The following FBXO41 variants were observed in gnomAD, a reference collection of about 807,000 sequenced individuals.
FBXO41 encodes the protein F-box protein 41.
In FBXO41, 33 loss-of-function variants were observed where a neutral mutation model predicts 81.6. The observed-to-expected ratio is 0.40, with a 90% CI of 0.31 to 0.54. The LOEUF (loss-of-function observed/expected upper bound fraction) is 0.54. FBXO41 is among the 20% of genes least tolerant of loss of function. The pLI, the probability that FBXO41 is intolerant of heterozygous loss-of-function variation, is 0.39. For missense variants in FBXO41, 1,107 were observed against 1,236.0 expected, an observed-to-expected ratio of 0.90 and a Z score of 1.56; for synonymous variants, 576 against 552.7, an observed-to-expected ratio of 1.04 and a Z score of -0.59.
At position 73,271,626 on chromosome 2, in the gene FBXO41, C is replaced by CCCCA. The variant is rs1248921484; in HGVS notation, c.-138-1859_-138-1858insTGGG. 1.1e-3 allele frequency: 167 copies of CCCCA among 145,462 alleles called. 12 individuals are homozygous for CCCCA. Among genetic ancestry groups the CCCCA allele is most frequent in the Admixed American group, 4.5e-3 (67 of 14,784 alleles). 9.0% of individuals were successfully genotyped at this position (145,462 alleles called of 1,614,324 possible). ...CACAAGCCAATCAATTCTGCACTCC[C>CCCCA]CCCCCCCCAACTTCTTTTTTTTGAG... is the stretch of plus-strand genomic sequence containing the variant. On this transcript the variant is annotated intron_variant, in intron 1 of 12. Coordinates refer to ENST00000520530, the MANE Select transcript of FBXO41 (RefSeq NM_001371389.2).
At chr2:73,274,112 C>T (rs1237295733) in intron 1 of FBXO41, among the ~76,000 whole-genome samples, 3 of 152,292 alleles carry the variant, frequency 2.0e-5, no homozygotes, top group Middle Eastern at 6.8e-3. Flanking sequence ...GTAAAGGCAT[C>T]GGATTCCTCT....
intron 4 of FBXO41, 121 bp downstream of exon 4, chr2:73,265,772 A>G: frequency 7.0e-7 from 1 of 1,432,180 alleles, no homozygotes; most frequent in Non-Finnish European, 9.4e-7. Context: ...GGGTGTGGAA[A>G]GGCAGACATA....
At chr2:73,263,525 G>T (rs935675178) in intron 8 of FBXO41, among the ~76,000 whole-genome samples, 153 bp downstream of exon 8, 4 of 152,106 alleles carry the variant, frequency 2.6e-5, no homozygotes, top group Non-Finnish European at 5.9e-5. Flanking sequence ...CACAGTGGTG[G>T]CCTCTGCTCT....
At chr2:73,263,454 AT>A in intron 8 of FBXO41, 146 bp from the exon 9 acceptor site, 5 of 770,132 alleles carry the variant, frequency 6.5e-6, no homozygotes, top group Non-Finnish European at 8.0e-6. Flanking sequence ...CCCCGTCTCC[AT>A]TTAAAAAAAA....
At chr2:73,279,064 T>A (rs1335463378) in intron 1 of FBXO41, among the ~76,000 whole-genome samples, 2 of 152,152 alleles carry the variant, frequency 1.3e-5, no homozygotes, top group Non-Finnish European at 2.9e-5. Flanking sequence ...TGGAAACTAT[T>A]AACCACGGTA....
rs776314132 is a variant in FBXO41, at chr2:73,269,479, G to GCGC, written c.149_151dup (p.Gly50dup). 3.2e-5 allele frequency: 41 copies of GCGC among 1,283,900 alleles called. No homozygotes were observed. In the South Asian group the frequency reaches 4.7e-4, roughly 15 times the overall value. The allele number at this position is 1,283,900 out of a possible 1,614,324, so 79.5% of individuals were successfully genotyped here. On this transcript the variant is annotated inframe_insertion, in exon 2 of 13. Coordinates refer to ENST00000520530, the MANE Select transcript of FBXO41 (RefSeq NM_001371389.2). This position sits in a 1 kb window ranked among gnomAD's most constrained non-coding sequence, Gnocchi z 7.0. The stretch of plus-strand genomic sequence containing the variant: ...GGCGGCGGCGGCCGCGGCGGCGGCG[G>GCGC]CGCCGTCGCAGATGCTGTTGGTCTT...
chr2:73,269,241 C>T lies in FBXO41; in HGVS notation c.390G>A (p.Glu130=). The part of the protein sequence containing the change: ...GDLVPASLPC[E]ELAEPGLVPA... ...GCACAAGGCCCGGCTCGGCCAACTC[C>T]TCACAGGGCAGGCTAGCGGGCACCA... The change falls in exon 2 of 13, where the codon GAG becomes GAA. Residue 130 remains glutamate (E), a synonymous_variant. Coordinates refer to ENST00000520530, the MANE Select transcript of FBXO41 (RefSeq NM_001371389.2). This position sits in a 1 kb window ranked among gnomAD's most constrained non-coding sequence, Gnocchi z 7.0. 6.5e-7 allele frequency: 1 copy of T among 1,529,488 alleles called. No homozygotes were observed. The highest frequency in any genetic ancestry group is 1.2e-5 in the South Asian group (1 of 82,424). The allele number at this position is 1,529,488 out of a possible 1,614,324, so 94.7% of individuals were successfully genotyped here. A position where few individuals can be genotyped will look rare whatever the true frequency, so the allele number is the denominator to read the frequency against.
At chr2:73,276,560 C>CAGAGAGAGAGAGAGAGAG (rs533998261) in intron 1 of FBXO41, among the ~76,000 whole-genome samples, 42 of 106,454 alleles carry the variant, frequency 3.9e-4, no homozygotes, top group East Asian at 1.8e-3. Context: ...CAAATCTATT[C>CAGAGAGAGAGAGAGAGAG]AGAGAGAGAG....
chr2:73,265,504 T>G lies in FBXO41; in HGVS notation c.1342A>C (p.Asn448His), dbSNP rs1218050020. 1 of 1,596,838 alleles carries G rather than the reference T, an allele frequency of 6.3e-7. No individual in the cohort carries two copies. Among genetic ancestry groups the G allele is most frequent in the Non-Finnish European group, 8.5e-7 (1 of 1,174,504 alleles). ...GGCTGGGACCGCTCTGAGCCCCCGT[T>G]GGCAGCCTGGGCCCGTGTGCCCAAG... ...GGLGTRAQAANGGSERSQPPR... is the reference protein window; with the variant it reads ...GGLGTRAQAAHGGSERSQPPR... The change falls in exon 5 of 13, where the codon AAC (asparagine) becomes CAC (histidine). Residue 448 changes from asparagine (N) to histidine (H), a missense_variant. Transcript: ENST00000520530.
chr2:73,283,156 C>G (rs1167079087), intron 1 of FBXO41, among the ~76,000 whole-genome samples: 2 of 152,150 alleles, frequency 1.3e-5, no homozygotes, highest in Non-Finnish European at 2.9e-5. Context: ...CGGAGTTGTC[C>G]CCATTATACC....
rs769125778 is a variant in FBXO41 at position 73,268,723 on chromosome 2, C to G, written c.905+3G>C. On this transcript the variant is annotated splice_donor_region_variant and intron_variant, in intron 2 of 12. Coordinates refer to ENST00000520530, the MANE Select transcript of FBXO41 (RefSeq NM_001371389.2). ...ACTCACAGGGCCCCGAGGGTCTACTCACTGCTGCTTGCGGCTCAGCTCCTG... is the reference window on the plus strand; with the variant it reads ...ACTCACAGGGCCCCGAGGGTCTACTGACTGCTGCTTGCGGCTCAGCTCCTG... 6.5e-7 allele frequency: 1 copy of G among 1,532,232 alleles called. No homozygotes were observed. The highest frequency in any genetic ancestry group is 8.8e-7 in the Non-Finnish European group (1 of 1,134,458). The allele number at this position is 1,532,232 out of a possible 1,614,324, so 94.9% of individuals were successfully genotyped here.
intron 9 of FBXO41, among the ~76,000 whole-genome samples, chr2:73,262,153 G>C (rs1257684962): frequency 6.6e-6 from 1 of 152,158 alleles, no homozygotes; most frequent in East Asian, 1.9e-4. Flanking sequence ...AACCTGGGAG[G>C]TGGAGGTTGC....
Position 73,260,357 on chromosome 2 carries a change from CG to C in FBXO41, c.2449+31del, listed in dbSNP as rs753990831. ...ACAGGGCCCCGTGGCAGGTGATAGT[CG>C]TACCCTGCCCCTCATTCCCCCAGTG... On this transcript the variant is annotated intron_variant, in intron 11 of 12. Transcript: ENST00000520530. This position sits in a 1 kb window ranked among gnomAD's most constrained non-coding sequence, Gnocchi z 5.0. 11 of 1,603,402 alleles carry C rather than the reference CG, an allele frequency of 6.9e-6. No homozygotes were observed. Among genetic ancestry groups the C allele is most frequent in the Non-Finnish European group, 9.4e-6 (11 of 1,173,666 alleles).
At chr2:73,270,261 C>T (rs1371917897) in intron 1 of FBXO41, among the ~76,000 whole-genome samples, 1 of 152,118 alleles carries the variant, frequency 6.6e-6, no homozygotes, top group Non-Finnish European at 1.5e-5. Context: ...CAGCTGGGGG[C>T]TACATGGACT....
chr2:73,265,832 G>A (rs1428718790), intron 4 of FBXO41, 61 bp downstream of exon 4: 3 of 1,528,082 alleles, frequency 2.0e-6, no homozygotes, highest in East Asian at 4.9e-5. Context: ...CCCCAGACAG[G>A]CCAGCGGATC....
At chr2:73,263,025 G>A (rs181811801) in intron 9 of FBXO41, among the ~76,000 whole-genome samples, 188 bp downstream of exon 9, 14 of 152,306 alleles carry the variant, frequency 9.2e-5, no homozygotes, top group Admixed American at 4.6e-4. Context: ...GATTACAGGC[G>A]TGAGATACCG....
chr2:73,266,639 G>A lies in FBXO41; in HGVS notation c.949C>T (p.Arg317Trp), dbSNP rs757559847. 11 of 1,605,164 alleles carry A rather than the reference G, an allele frequency of 6.9e-6. No homozygotes were observed. The highest frequency in any genetic ancestry group is 1.7e-4 in the Middle Eastern group (1 of 6,016). Residue 317 changes from arginine (R) to tryptophan (W), a missense_variant, in exon 3 of 13, where the codon CGG (arginine) becomes TGG (tryptophan). By Grantham distance (101) the Arg-to-Trp change is moderately radical (BLOSUM62 -3). This residue lies in a region of FBXO41 where 771 missense variants were observed against 789.2 expected (regional missense o/e 0.98). Coordinates refer to ENST00000520530, the MANE Select transcript of FBXO41 (RefSeq NM_001371389.2). This position sits in a 1 kb window ranked among gnomAD's most constrained non-coding sequence, Gnocchi z 5.3. ...AGCCGCAGCTTGGCGCTGGCCTCCC[G>A]CGCCGCCGTCTCCTTCAGGAACTGG... ...IDQFLKETAAREASAKLRLQQ... is the reference protein window; with the variant it reads ...IDQFLKETAAWEASAKLRLQQ...
At position 73,266,584 on chromosome 2, in the gene FBXO41, C is replaced by A; in HGVS notation, c.1004G>T (p.Arg335Leu). ...CAGCTGCCGCTCGGCACGGTCAGCCCGCTCAAGGAGCTCCTCAATGAACTG... is the reference window on the plus strand; with the variant it reads ...CAGCTGCCGCTCGGCACGGTCAGCCAGCTCAAGGAGCTCCTCAATGAACTG... Reference protein sequence around the residue: ...LQQFIEELLERADRAERQLQV... With the variant: ...LQQFIEELLELADRAERQLQV... Residue 335 changes from arginine to leucine, a missense_variant, in exon 3 of 13, where the codon CGG (arginine) becomes CTG (leucine). Transcript: ENST00000520530. The surrounding 1 kb of genome is among the most constrained non-coding windows in gnomAD (Gnocchi z 5.3). The A allele has an allele frequency of 6.2e-7, 1 of 1,611,174 alleles. No homozygotes were observed. Among genetic ancestry groups the A allele is most frequent in the Non-Finnish European group, 8.5e-7 (1 of 1,179,122 alleles).
chr2:73,279,434 G>A (rs1688786885), intron 1 of FBXO41, among the ~76,000 whole-genome samples: 1 of 152,156 alleles, frequency 6.6e-6, no homozygotes, highest in South Asian at 2.1e-4. Context: ...CCAAGGGAGA[G>A]GGCTCAGAGA....
Sources: gnomAD v4.1 joint callset for allele counts (sites outside exome capture counted in the v4.1 genomes callset) on GRCh38, gnomAD v4.1.1 for gene constraint, gnomAD v4.1.1 regional missense constraint, Gnocchi (gnomAD v3.1) non-coding constraint, MANE v1.5 for transcripts, NCBI Gene and HGNC (gene_info 2026-07-23, HGNC 2026-07-21) for gene names.